The following RUNX1 variants were observed in gnomAD, a reference collection of about 807,000 sequenced individuals.
The protein encoded by RUNX1 is runt-related transcription factor 1.
A neutral mutation model predicts 42.8 loss-of-function variants in RUNX1; 19 were observed. That is an observed-to-expected ratio of 0.44 (90% CI 0.31 to 0.65). The LOEUF is 0.65. Ranked by LOEUF, RUNX1 falls within the 30% of genes least tolerant of loss-of-function variation. RUNX1 has a pLI of 0.07. For synonymous variants in RUNX1, 271 were observed against 289.4 expected (o/e 0.94, Z 0.64); for missense variants, 528 against 672.0 (o/e 0.79, Z 2.37).
At chr21:34,838,623 G>C (rs964315970) in intron 6 of RUNX1, among the ~76,000 whole-genome samples, 2 of 152,134 alleles carry the variant, frequency 1.3e-5, no homozygotes, top group African/African-American at 4.8e-5. Context: ...ACATGAATCT[G>C]GATATAAAAA....
chr21:34,852,125 G>A (rs770554582), intron 6 of RUNX1, among the ~76,000 whole-genome samples: 8 of 152,114 alleles, frequency 5.3e-5, no homozygotes, highest in Non-Finnish European at 8.8e-5. Flanking sequence ...CTGAGATGGC[G>A]CCACTGCACT....
chr21:34,847,916 GC>G (rs1273696552), intron 6 of RUNX1, among the ~76,000 whole-genome samples: 3 of 151,940 alleles, frequency 2.0e-5, no homozygotes, highest in African/African-American at 7.3e-5. Context: ...AATCTGCCAA[GC>G]TTTTTTTTTT....
At chr21:34,964,114 G>A (rs374557031) in intron 2 of RUNX1, among the ~76,000 whole-genome samples, 454 of 152,252 alleles carry the variant, frequency 3.0e-3, no homozygotes, top group African/African-American at 0.011. Flanking sequence ...ACCACTGGAG[G>A]AACAGAGAAC....
intron 2 of RUNX1, among the ~76,000 whole-genome samples, chr21:34,943,022 C>T (rs532540776): frequency 1.4e-4 from 21 of 152,312 alleles, no homozygotes; most frequent in Admixed American, 1.3e-3. Context: ...GCTTTTAACC[C>T]GTGTCCCTTC....
chr21:34,981,450 C>T (rs2058845793), intron 2 of RUNX1, among the ~76,000 whole-genome samples: 1 of 152,154 alleles, frequency 6.6e-6, no homozygotes, highest in South Asian at 2.1e-4. Context: ...AATATGGAGT[C>T]CCTGGACCTA....
chr21:34,888,153 TCGGG>T (rs1436453340), intron 3 of RUNX1: 1 of 1,066,268 alleles, frequency 9.4e-7, no homozygotes, highest in Non-Finnish European at 1.1e-6. Flanking sequence ...CAGCCCTGAC[TCGGG>T]CAGCAGCGAG....
intron 2 of RUNX1, among the ~76,000 whole-genome samples, chr21:34,906,412 G>A (rs1031162557): frequency 1.1e-4 from 17 of 152,198 alleles, no homozygotes; most frequent in Non-Finnish European, 2.4e-4. Context: ...AATTTTAGTG[G>A]ACAAATAGTA....
chr21:34,886,759 G>A (rs1365344919), intron 4 of RUNX1, 84 bp downstream of exon 4: 1 of 1,598,630 alleles, frequency 6.3e-7, no homozygotes, highest in Non-Finnish European at 8.5e-7. Context: ...ATCCGGCCCC[G>A]CCCGCCTGGC....
intron 2 of RUNX1, among the ~76,000 whole-genome samples, chr21:34,961,676 C>T (rs1044308779): frequency 1.8e-4 from 28 of 152,276 alleles, no homozygotes; most frequent in East Asian, 9.6e-4. Flanking sequence ...GTAAGTCAGG[C>T]GGTTACAGTC....
At chr21:34,922,217 C>T (rs763045012) in intron 2 of RUNX1, among the ~76,000 whole-genome samples, 11 of 152,030 alleles carry the variant, frequency 7.2e-5, no homozygotes, top group East Asian at 1.9e-4. Context: ...AGGTGTGTGC[C>T]GGTTCTAGAG....
chr21:34,852,676 T>C (rs1326133822), intron 6 of RUNX1, among the ~76,000 whole-genome samples: 2 of 152,182 alleles, frequency 1.3e-5, no homozygotes. Flanking sequence ...CGACAGCATT[T>C]TCCTCCTCTT....
intron 2 of RUNX1, among the ~76,000 whole-genome samples, chr21:35,022,272 G>A (rs2059204160): frequency 1.3e-5 from 2 of 152,278 alleles, no homozygotes; most frequent in East Asian, 3.9e-4. Context: ...GCAGGCAAGG[G>A]CATGTTGAGA....
chr21:34,808,427 C>T (rs756102954), intron 7 of RUNX1, among the ~76,000 whole-genome samples: 21 of 152,136 alleles, frequency 1.4e-4, no homozygotes, highest in Non-Finnish European at 2.6e-4. Flanking sequence ...TCCCTGCTTC[C>T]GGGACCCGTA....
chr21:34,812,031 A>G (rs1381442243), intron 7 of RUNX1, among the ~76,000 whole-genome samples: 7 of 150,694 alleles, frequency 4.6e-5, no homozygotes, highest in Non-Finnish European at 1.5e-5. Context: ...GCACCTCTCT[A>G]TTTTTTGAAA....
At chr21:35,008,787 A>ATTATGGAATGATCATTACAG (rs2059103964) in intron 2 of RUNX1, among the ~76,000 whole-genome samples, 1 of 152,216 alleles carries the variant, frequency 6.6e-6, no homozygotes, top group East Asian at 1.9e-4. Context: ...AACCATACTG[A>ATTATGGAATGATCATTACAG]TTATGGAATG....
intron 7 of RUNX1, among the ~76,000 whole-genome samples, chr21:34,813,214 C>T (rs1421908685): frequency 6.6e-6 from 1 of 152,082 alleles, no homozygotes; most frequent in African/African-American, 2.4e-5. Context: ...TGCTCAACAT[C>T]CTACAATGCA....
intron 4 of RUNX1, 53 bp downstream of exon 4, chr21:34,886,790 C>T: frequency 4.3e-6 from 7 of 1,610,672 alleles, no homozygotes; most frequent in Non-Finnish European, 5.9e-6. Flanking sequence ...GCGGATCTCC[C>T]CCGGCCTCGC....
chr21:35,014,527 T>C (rs1339624186), intron 2 of RUNX1, among the ~76,000 whole-genome samples: 8 of 152,194 alleles, frequency 5.3e-5, no homozygotes, highest in Admixed American at 5.2e-4. Context: ...GCTCAGCTTA[T>C]CTCCAAAGAG....
At chr21:34,884,889 A>G (rs1193076300) in intron 4 of RUNX1, among the ~76,000 whole-genome samples, 1 of 152,208 alleles carries the variant, frequency 6.6e-6, no homozygotes, top group Non-Finnish European at 1.5e-5. Flanking sequence ...TCACTCAATA[A>G]AACAAATTAA....
Sources: gnomAD v4.1 joint callset for allele counts (sites outside exome capture counted in the v4.1 genomes callset) on GRCh38, gnomAD v4.1.1 for gene constraint, MANE v1.5 for transcripts, NCBI Gene and HGNC (gene_info 2026-07-23, HGNC 2026-07-21) for gene names.